POFUT2: variants seen among roughly 807,000 people sequenced by gnomAD.
POFUT2 encodes GDP-fucose protein O-fucosyltransferase 2.
POFUT2 carries 30 observed loss-of-function variants against 55.0 expected under a neutral mutation model. The observed-to-expected ratio is 0.55, with a 90% CI of 0.41 to 0.74. The LOEUF is 0.74. POFUT2 is among the 30% of genes least tolerant of loss of function. The pLI is 0.00. For missense variants in POFUT2, 524 were observed against 562.6 expected (o/e 0.93, Z 0.69); for synonymous variants, 267 against 231.1 (o/e 1.16, Z -1.41).
rs2093167404 is a variant in POFUT2 at position 45,267,516 on chromosome 21, C to T, written c.1136+74G>A. The T allele has an allele frequency of 6.2e-7, 1 of 1,614,180 alleles. No individual in the cohort carries two copies. The highest frequency in any genetic ancestry group is 1.3e-5 in the African/African-American group (1 of 75,058). On this transcript the variant is annotated intron_variant, in intron 8 of 8. Transcript: ENST00000349485. This position sits in a 1 kb window ranked among gnomAD's most constrained non-coding sequence, Gnocchi z 4.4. Reference sequence around the variant, plus strand: ...ACACAGGCGACCATCTGCTCTGACACCGAGTACTTGGGACAGAAGAACCTT... The same window carrying T: ...ACACAGGCGACCATCTGCTCTGACATCGAGTACTTGGGACAGAAGAACCTT...
chr21:45,266,515 C>G (rs915022985), intron 8 of POFUT2: 2 of 1,083,546 alleles, frequency 1.8e-6, no homozygotes, highest in African/African-American at 1.7e-5. Flanking sequence ...TCCTGGGCTG[C>G]GGAGACAGCA....
chr21:45,271,836 C>T (rs988917758), intron 6 of POFUT2, among the ~76,000 whole-genome samples: 1 of 152,142 alleles, frequency 6.6e-6, no homozygotes, highest in African/African-American at 2.4e-5. Flanking sequence ...CTTTTTCAGA[C>T]AAACAAATGC....
intron 6 of POFUT2, among the ~76,000 whole-genome samples, chr21:45,273,022 G>A (rs1270034817): frequency 6.6e-6 from 1 of 151,922 alleles, no homozygotes; most frequent in African/African-American, 2.4e-5. Context: ...CCCAGCAGAA[G>A]AAAACCACCA....
At position 45,265,187 on chromosome 21, in the gene POFUT2, C is replaced by T. The variant is rs9985124; in HGVS notation, c.*295G>A. 996 of 297,716 alleles carry T rather than the reference C, an allele frequency of 3.3e-3. 12 individuals are homozygous for T. The highest frequency in any genetic ancestry group is 0.018 in the African/African-American group (829 of 46,346). The allele number at this position is 297,716 out of a possible 1,614,324, so 18.4% of individuals were successfully genotyped here. A position where few individuals can be genotyped will look rare whatever the true frequency, so the allele number is the denominator to read the frequency against. On this transcript the variant is annotated 3_prime_UTR_variant, in exon 9 of 9. Coordinates refer to ENST00000349485, the MANE Select transcript of POFUT2 (RefSeq NM_133635.6). The surrounding 1 kb of genome is among the most constrained non-coding windows in gnomAD (Gnocchi z 4.6). ...AGCGGGAGCCTGACAAACACTCCTG[C>T]TTCTGGGTCACCACGCGGGCACTGC...
At position 45,278,185 on chromosome 21, in the gene POFUT2, A is replaced by AG. The variant is rs1359879951; in HGVS notation, c.639-17dup. On this transcript the variant is annotated splice_polypyrimidine_tract_variant and intron_variant, in intron 4 of 8. Coordinates refer to ENST00000349485, the MANE Select transcript of POFUT2 (RefSeq NM_133635.6). ...CATCACGGACCTGTTTTTAAACAAC[A>AG]GAAGAATAAACAGTTATAAGAGTTA... The AG allele has an allele frequency of 6.2e-7, 1 of 1,600,098 alleles. No homozygotes were observed. The highest frequency in any genetic ancestry group is 2.2e-5 in the East Asian group (1 of 44,806).
At chr21:45,283,360 G>C in intron 3 of POFUT2, 23 bp downstream of exon 3, 1 of 1,575,396 alleles carries the variant, frequency 6.3e-7, no homozygotes, top group Non-Finnish European at 8.6e-7. Flanking sequence ...ACCTGCGGCA[G>C]GGGGAGCAGC....
chr21:45,272,322 T>C (rs1163308095), intron 6 of POFUT2, among the ~76,000 whole-genome samples: 1 of 152,204 alleles, frequency 6.6e-6, no homozygotes, highest in Non-Finnish European at 1.5e-5. Flanking sequence ...GAACATTATA[T>C]AATGATAAAA....
intron 6 of POFUT2, among the ~76,000 whole-genome samples, chr21:45,273,760 G>A (rs897021901): frequency 4.6e-5 from 7 of 152,042 alleles, no homozygotes; most frequent in African/African-American, 9.7e-5. Flanking sequence ...GACAAAATCC[G>A]GCATTGCTTT....
rs985622072 is a variant in POFUT2, at chr21:45,283,510, T to C, written c.400A>G (p.Ile134Val). The C allele has an allele frequency of 6.2e-7, 1 of 1,613,584 alleles. No individual in the cohort carries two copies. Reference sequence around the variant, plus strand: ...CTTTGCAGGACGTAAACCTGGTCAATAAAGGGCCCACCAGATTCTGAAAGA... The same window carrying C: ...CTTTGCAGGACGTAAACCTGGTCAACAAAGGGCCCACCAGATTCTGAAAGA... ...QFIAESGGPF[I>V]DQVYVLQSYA... The change falls in exon 3 of 9, where the codon ATT becomes GTT. Residue 134 changes from isoleucine (I) to valine (V), a missense_variant. Physicochemically the swap from Ile to Val is conservative, Grantham distance 29. Transcript: ENST00000349485.
intron 7 of POFUT2, among the ~76,000 whole-genome samples, chr21:45,268,456 G>A (rs533003266): frequency 1.3e-5 from 2 of 151,898 alleles, no homozygotes; most frequent in South Asian, 4.2e-4. Flanking sequence ...CGTCTGGGAT[G>A]TGAGGAGCCC....
rs772095949 is a variant in POFUT2, at chr21:45,282,440, C to T, written c.547G>A (p.Glu183Lys). Residue 183 changes from glutamate (E) to lysine (K), a missense_variant, in exon 4 of 9, where the codon GAG becomes AAG. Physicochemically the swap from Glu to Lys is moderately conservative, Grantham distance 56 (BLOSUM62 1). Coordinates refer to ENST00000349485, the MANE Select transcript of POFUT2 (RefSeq NM_133635.6). The surrounding 1 kb of genome is among the most constrained non-coding windows in gnomAD (Gnocchi z 4.6). ...GAGACGTTTAGACCCCTGGTCTCCT[C>T]ATAACCCCAAAACCATCCTCTGGAA... is the stretch of plus-strand genomic sequence containing the variant. ...EYYRGWFWGY[E>K]ETRGLNVSCL... 5 of 1,610,090 alleles carry T rather than the reference C, an allele frequency of 3.1e-6. No individual in the cohort carries two copies. Among genetic ancestry groups the T allele is most frequent in the South Asian group, 1.1e-5 (1 of 91,034 alleles).
At chr21:45,278,358 ACG>A (rs1398971266) in intron 4 of POFUT2, among the ~76,000 whole-genome samples, 189 bp from the exon 5 acceptor site, 2 of 152,194 alleles carry the variant, frequency 1.3e-5, no homozygotes, top group Non-Finnish European at 2.9e-5. Flanking sequence ...CCTCCACACC[ACG>A]GTTCTGAGAG....
chr21:45,283,312 G>GA, intron 3 of POFUT2, 71 bp downstream of exon 3: 1 of 787,246 alleles, frequency 1.3e-6, no homozygotes, highest in Non-Finnish European at 1.8e-6. Context: ...CTGAGGCGGG[G>GA]GGGGGGGGAC....
At chr21:45,276,939 T>C (rs1252444086) in intron 6 of POFUT2, 78 bp downstream of exon 6, 1 of 1,505,354 alleles carries the variant, frequency 6.6e-7, no homozygotes, top group Non-Finnish European at 9.1e-7. Flanking sequence ...GCTGTGACTT[T>C]ACATGGAAGG....
intron 6 of POFUT2, among the ~76,000 whole-genome samples, chr21:45,276,486 T>C (rs1233303502): frequency 6.6e-6 from 1 of 152,048 alleles, no homozygotes; most frequent in Non-Finnish European, 1.5e-5. Flanking sequence ...CAATATCAAG[T>C]TGAAAAAGCA....
chr21:45,266,936 T>C, intron 8 of POFUT2: 1 of 1,016,802 alleles, frequency 9.8e-7, no homozygotes, highest in Non-Finnish European at 1.2e-6. Flanking sequence ...AGGCAGGTCT[T>C]TGGAGGAACA....
At position 45,267,817 on chromosome 21, in the gene POFUT2, G is replaced by T; in HGVS notation, c.1013-104C>A. 1 of 990,262 alleles carries T rather than the reference G, an allele frequency of 1.0e-6. No individual in the cohort carries two copies. The highest frequency in any genetic ancestry group is 1.5e-6 in the Non-Finnish European group (1 of 646,536). 61.3% of individuals were successfully genotyped at this position (990,262 alleles called of 1,614,324 possible). On this transcript the variant is annotated intron_variant, in intron 7 of 8. Transcript: ENST00000349485. The surrounding 1 kb of genome is among the most constrained non-coding windows in gnomAD (Gnocchi z 4.4). ...TGCGTACTTGGCTTCTGGTTAATTC[G>T]TTAGGAACTGGCTCCAAAGGTGCAG...
Position 45,267,138 on chromosome 21 carries a change from G to A in POFUT2, c.1136+452C>T, listed in dbSNP as rs1356309235. 2 of 1,232,128 alleles carry A rather than the reference G, an allele frequency of 1.6e-6. No homozygotes were observed. The highest frequency in any genetic ancestry group is 2.0e-6 in the Non-Finnish European group (2 of 977,256). 76.3% of individuals were successfully genotyped at this position (1,232,128 alleles called of 1,614,324 possible). A position where few individuals can be genotyped will look rare whatever the true frequency, so the allele number is the denominator to read the frequency against. ...GAGGGCCCATGCTCCCAGCCTTGGG[G>A]ACGCTCATGGCAGCCCCACGAGAAT... On this transcript the variant is annotated intron_variant, in intron 8 of 8. Transcript: ENST00000349485. This position sits in a 1 kb window ranked among gnomAD's most constrained non-coding sequence, Gnocchi z 4.4.
At chr21:45,266,190 C>A (rs554609794) in intron 8 of POFUT2, 2 of 1,367,554 alleles carry the variant, frequency 1.5e-6, no homozygotes, top group African/African-American at 2.9e-5. Flanking sequence ...CCGGCTCCTG[C>A]GCAGCTGGTC....
Sources: allele counts gnomAD v4.1 joint callset (sites outside exome capture counted in the v4.1 genomes callset), GRCh38; gene constraint gnomAD v4.1.1; non-coding constraint Gnocchi (gnomAD v3.1); transcripts MANE v1.5; gene names NCBI Gene and HGNC (gene_info 2026-07-23, HGNC 2026-07-21).